Variants in EDEM3 observed in about 807,000 individuals in gnomAD.
EDEM3 encodes ER degradation-enhancing alpha-mannosidase-like protein 3.
A neutral mutation model predicts 110.2 loss-of-function variants in EDEM3; 60 were observed. The ratio of observed to expected loss-of-function variants is 0.54; its 90% CI spans 0.44 to 0.67. The LOEUF (loss-of-function observed/expected upper bound fraction) is 0.67, where lower values mean the gene tolerates loss of function less well. Among genes scored for constraint, EDEM3 ranks in the 30% least tolerant of loss-of-function variants. The probability of loss-of-function intolerance (pLI) is 0.00; values close to 1 mark genes in which losing one functional copy is unlikely to be tolerated. For missense variants in EDEM3, 996 were observed against 1,121.0 expected (o/e 0.89, Z 1.59); for synonymous variants, 352 against 382.9 (o/e 0.92, Z 0.94).
chr1:184,754,529 C>T lies in EDEM3; in HGVS notation c.118G>A (p.Gly40Arg). The T allele has an allele frequency of 6.2e-7, 1 of 1,613,268 alleles. No individual in the cohort carries two copies. Among genetic ancestry groups the T allele is most frequent in the Non-Finnish European group, 8.5e-7 (1 of 1,179,828 alleles). ...LVSATSVWTA[G>R]AEPMSREEKQ... The stretch of plus-strand genomic sequence containing the variant: ...TCCTCCCTACTCATGGGCTCGGCCC[C>T]CGCCGTCCACACGGAGGTGGCCGAC... The change falls in exon 1 of 20, where the codon GGG becomes AGG. Residue 40 changes from glycine to arginine, a missense_variant. Transcript: ENST00000318130.
At chr1:184,732,415 C>T (rs1222988934) in intron 6 of EDEM3, among the ~76,000 whole-genome samples, 3 of 151,824 alleles carry the variant, frequency 2.0e-5, no homozygotes, top group Admixed American at 1.3e-4. Flanking sequence ...CACAACAGAG[C>T]GATTACAGTC....
intron 9 of EDEM3, 90 bp from the exon 10 acceptor site, chr1:184,719,658 C>T (rs539262356): frequency 1.6e-6 from 2 of 1,265,996 alleles, no homozygotes; most frequent in East Asian, 2.6e-5. Flanking sequence ...ATAAATTAAA[C>T]TAGAATTTAT....
At chr1:184,741,666 G>T (rs911680048) in intron 2 of EDEM3, among the ~76,000 whole-genome samples, 50 of 152,044 alleles carry the variant, frequency 3.3e-4, no homozygotes, top group African/African-American at 1.2e-3. Flanking sequence ...TTTTTCTAAG[G>T]CTTCTCCAAT....
At chr1:184,717,406 T>C in intron 12 of EDEM3, 134 bp downstream of exon 12, 2 of 657,100 alleles carry the variant, frequency 3.0e-6, no homozygotes, top group Non-Finnish European at 5.1e-6. Context: ...ACTAGATGAA[T>C]AAGAATCATG....
At chr1:184,735,098 T>C (rs565487623) in intron 4 of EDEM3, among the ~76,000 whole-genome samples, 1 of 152,340 alleles carries the variant, frequency 6.6e-6, no homozygotes, top group Admixed American at 6.5e-5. Context: ...CTTCACTCCA[T>C]GGATGCCCTG....
chr1:184,737,666 C>G lies in EDEM3; in HGVS notation c.250G>C (p.Gly84Arg). 6.2e-7 allele frequency: 1 copy of G among 1,614,032 alleles called. No individual in the cohort carries two copies. Among genetic ancestry groups the G allele is most frequent in the African/African-American group, 1.3e-5 (1 of 75,036 alleles). ...ADELMPLTCR[G>R]RVRGQEPSRG... ...CTTGGCTCTTGGCCTCTAACTCGAC[C>G]TCTACAGGTTAAAGGCATGAGTTCA... Residue 84 changes from glycine to arginine, a missense_variant, in exon 3 of 20, where the codon GGT (glycine) becomes CGT (arginine). Physicochemically the swap from Gly to Arg is moderately radical, Grantham distance 125. This residue lies in a region of EDEM3 where 200 missense variants were observed against 183.8 expected (regional missense o/e 1.09). Transcript: ENST00000318130.
At position 184,702,715 on chromosome 1, in the gene EDEM3, AC is replaced by A. The variant is rs1054469884; in HGVS notation, c.2389+95del. Reference sequence around the variant, plus strand: ...AAAGTTTTACTTGTTTTCACAGTGAACCCCCCAAAACAATTTTTTGTGACTC... The same window carrying A: ...AAAGTTTTACTTGTTTTCACAGTGAACCCCCAAAACAATTTTTTGTGACTC... On this transcript the variant is annotated intron_variant, in intron 19 of 19. Coordinates refer to ENST00000318130, the MANE Select transcript of EDEM3 (RefSeq NM_025191.4). The A allele has an allele frequency of 3.1e-5, 29 of 921,926 alleles. No homozygotes were observed. In the Admixed American group the frequency reaches 3.4e-4, roughly 11 times the overall value. 57.1% of individuals were successfully genotyped at this position (921,926 alleles called of 1,614,324 possible). A position where few individuals can be genotyped will look rare whatever the true frequency, so the allele number is the denominator to read the frequency against.
intron 6 of EDEM3, among the ~76,000 whole-genome samples, chr1:184,729,793 G>T (rs1244459412): frequency 1.3e-5 from 2 of 151,966 alleles, no homozygotes; most frequent in African/African-American, 4.8e-5. Flanking sequence ...AAGTTTCTCT[G>T]TTTTACCATA....
intron 13 of EDEM3, among the ~76,000 whole-genome samples, chr1:184,716,106 T>C (rs1650530370): frequency 1.3e-5 from 2 of 152,282 alleles, no homozygotes; most frequent in South Asian, 4.1e-4. Flanking sequence ...CCCTTTAATA[T>C]GTTTCAAACA....
At chr1:184,701,412 T>C in intron 19 of EDEM3, 1 of 770,404 alleles carries the variant, frequency 1.3e-6, no homozygotes, top group Non-Finnish European at 1.7e-6. Flanking sequence ...TGAAACAAAA[T>C]TATATATGTA....
chr1:184,721,292 G>C lies in EDEM3; in HGVS notation c.948C>G (p.Asn316Lys), dbSNP rs1379772001. The C allele has an allele frequency of 6.3e-7, 1 of 1,598,550 alleles. No homozygotes were observed. The highest frequency in any genetic ancestry group is 8.5e-7 in the Non-Finnish European group (1 of 1,173,890). Residue 316 changes from asparagine (N) to lysine (K), a missense_variant, in exon 9 of 20, where the codon AAC (asparagine) becomes AAG (lysine). Asn to Lys is a moderately conservative substitution (Grantham distance 94). This residue lies in a region of EDEM3 where 310 missense variants were observed against 394.6 expected (regional missense o/e 0.79). Transcript: ENST00000318130. ...ATATAAAATTGTATCAACTTACTGT[G>C]TTAAATCTTTCCAGAAAACTGTCAT... ...LGDDSFLERF[N>K]THYDAIMRYI...
chr1:184,716,043 G>T (rs1014829703), intron 13 of EDEM3, among the ~76,000 whole-genome samples: 7 of 152,102 alleles, frequency 4.6e-5, no homozygotes, highest in Non-Finnish European at 8.8e-5. Flanking sequence ...TCAGGACATA[G>T]GAGCCTTCAG....
At chr1:184,747,020 C>CA (rs34429442) in intron 2 of EDEM3, among the ~76,000 whole-genome samples, 52,811 of 132,626 alleles carry the variant, frequency 0.4, 9,513 homozygotes, top group South Asian at 0.57. Flanking sequence ...TGATCAAATG[C>CA]AAAAAAAAAA....
chr1:184,696,993 T>C (rs1457933096), intron 19 of EDEM3, among the ~76,000 whole-genome samples: 4 of 151,912 alleles, frequency 2.6e-5, no homozygotes, highest in Non-Finnish European at 4.4e-5. Context: ...TATTTTCAGA[T>C]TGTGATCGTA....
intron 6 of EDEM3, among the ~76,000 whole-genome samples, chr1:184,728,081 T>C (rs1047377362): frequency 6.6e-6 from 1 of 152,228 alleles, no homozygotes; most frequent in Non-Finnish European, 1.5e-5. Context: ...TACAATCAAC[T>C]AATCAATATT....
intron 16 of EDEM3, among the ~76,000 whole-genome samples, chr1:184,709,292 A>G (rs1232416183): frequency 6.6e-6 from 1 of 152,194 alleles, no homozygotes; most frequent in East Asian, 1.9e-4. Context: ...ATTTAATAGT[A>G]AATTTAGGAA....
intron 18 of EDEM3, among the ~76,000 whole-genome samples, chr1:184,705,815 T>C (rs1402922498): frequency 6.6e-6 from 1 of 152,188 alleles, no homozygotes; most frequent in Non-Finnish European, 1.5e-5. Flanking sequence ...TCCTATTTAC[T>C]TTAAAACAGA....
chr1:184,750,224 C>A (rs954143840), intron 1 of EDEM3, among the ~76,000 whole-genome samples: 7 of 152,184 alleles, frequency 4.6e-5, no homozygotes, highest in Non-Finnish European at 8.8e-5. Flanking sequence ...AAATAGTATT[C>A]ACTTCCAAAA....
At chr1:184,741,952 T>C (rs914898829) in intron 2 of EDEM3, among the ~76,000 whole-genome samples, 7 of 152,230 alleles carry the variant, frequency 4.6e-5, no homozygotes, top group Admixed American at 1.3e-4. Context: ...TGGTCTTTTG[T>C]ATCTTGTATA....
Sources: gnomAD v4.1 joint callset for allele counts (sites outside exome capture counted in the v4.1 genomes callset) on GRCh38, gnomAD v4.1.1 for gene constraint, gnomAD v4.1.1 regional missense constraint, MANE v1.5 for transcripts, NCBI Gene and HGNC (gene_info 2026-07-23, HGNC 2026-07-21) for gene names.